The following COL2A1 variants were observed in gnomAD, a reference collection of about 807,000 sequenced individuals.
The protein encoded by COL2A1 is collagen type II alpha 1 chain.
Under a neutral mutation model 204.5 loss-of-function variants are expected in COL2A1, and 28 were observed. The observed-to-expected ratio is 0.14, with a 90% CI of 0.10 to 0.19. The LOEUF (loss-of-function observed/expected upper bound fraction) is 0.19. Among genes scored for constraint, COL2A1 ranks in the 10% least tolerant of loss-of-function variants. The pLI, the probability that COL2A1 is intolerant of heterozygous loss-of-function variation, is 1.00. For synonymous variants in COL2A1, 708 were observed against 718.7 expected (o/e 0.99, Z 0.24); for missense variants, 1,388 against 2,027.5 (o/e 0.68, Z 6.06).
rs1565677477 is a variant in COL2A1, at chr12:47,982,499, T to C, written c.2301+3A>G. The C allele has an allele frequency of 6.2e-7, 1 of 1,611,062 alleles. No individual in the cohort carries two copies. Among genetic ancestry groups the C allele is most frequent in the Admixed American group, 1.7e-5 (1 of 60,004 alleles). ...GGTGAGAGGCTGTAACCTCAGTACTTACCCTGTCGCCTTTGGGCCCAGCGA... is the reference window on the plus strand; with the variant it reads ...GGTGAGAGGCTGTAACCTCAGTACTCACCCTGTCGCCTTTGGGCCCAGCGA... On this transcript the variant is annotated splice_donor_region_variant and intron_variant, in intron 34 of 53. Transcript: ENST00000380518.
At chr12:47,992,968 G>A in intron 15 of COL2A1, 37 bp from the exon 16 acceptor site, 1 of 1,603,812 alleles carries the variant, frequency 6.2e-7, no homozygotes, top group Non-Finnish European at 8.5e-7. Context: ...GCATGAGTTG[G>A]CTTTACGGTG....
In COL2A1 at chr12:47,996,952, C is replaced by T. The variant is rs188054003; in HGVS notation, c.532-327G>A. ...ACGTATATGGAGAAACATAACCAAA[C>T]CTTCTAAGGGTGTTCTTTATTCTTT... On this transcript the variant is annotated intron_variant, in intron 7 of 53. Coordinates refer to ENST00000380518, the MANE Select transcript of COL2A1 (RefSeq NM_001844.5). 2.9e-3 allele frequency among the ~76,000 whole-genome samples: 436 copies of T among 152,254 alleles called. 2 individuals are homozygous for T. The highest frequency in any genetic ancestry group is 0.017 in the Middle Eastern group (5 of 294).
At chr12:47,995,962 C>T in intron 8 of COL2A1, 43 bp from the exon 9 acceptor site, 2 of 1,517,368 alleles carry the variant, frequency 1.3e-6, no homozygotes, top group Non-Finnish European at 1.8e-6. Flanking sequence ...CACATGCTTC[C>T]TCAGTGGCCT....
At chr12:47,982,429 C>T (rs1293156781) in intron 34 of COL2A1, 73 bp downstream of exon 34, 19 of 1,282,288 alleles carry the variant, frequency 1.5e-5, no homozygotes, top group South Asian at 6.0e-5. Flanking sequence ...CATAAGGGAA[C>T]GGAAGCGATC....
rs912874901 is a variant in COL2A1 at position 47,981,996 on chromosome 12, G to C, written c.2355+111C>G. ...TCCCTGCAGTTGCCCAGCCCCGACAGAGACAGGACCAGGGACCCCAGTGGC... is the reference window on the plus strand; with the variant it reads ...TCCCTGCAGTTGCCCAGCCCCGACACAGACAGGACCAGGGACCCCAGTGGC... On this transcript the variant is annotated intron_variant, in intron 35 of 53. Transcript: ENST00000380518. The C allele has an allele frequency of 1.1e-4, 144 of 1,323,910 alleles. No individual in the cohort carries two copies. In the Admixed American group the frequency reaches 2.4e-3, roughly 22 times the overall value. The allele number at this position is 1,323,910 out of a possible 1,614,324, so 82.0% of individuals were successfully genotyped here.
intron 11 of COL2A1, among the ~76,000 whole-genome samples, chr12:47,994,801 A>G (rs539536363): frequency 1.3e-5 from 2 of 152,338 alleles, no homozygotes; most frequent in South Asian, 2.1e-4. Context: ...GTCTAATGCA[A>G]TTCATAAAAA....
In COL2A1 at chr12:47,986,302, G is replaced by A. The variant is rs1417050660; in HGVS notation, c.1527+34C>T. 3.6e-6 allele frequency: 5 copies of A among 1,380,992 alleles called. No individual in the cohort carries two copies. The South Asian group carries it at 6.2e-5, about 17-fold the overall frequency. The allele number at this position is 1,380,992 out of a possible 1,614,324, so 85.5% of individuals were successfully genotyped here. On this transcript the variant is annotated intron_variant, in intron 23 of 53. Coordinates refer to ENST00000380518, the MANE Select transcript of COL2A1 (RefSeq NM_001844.5). ...CTCCACTTCCCTCTCGAGGTCACAG[G>A]CCCCATGGGATGGAGCCTCCACATT...
At chr12:47,982,070 C>T (rs778878438) in intron 35 of COL2A1, 37 bp downstream of exon 35, 1 of 1,604,832 alleles carries the variant, frequency 6.2e-7, no homozygotes, top group Non-Finnish European at 8.5e-7. Context: ...GGCTAGGATC[C>T]TAATGCCCAG....
rs1328745451 is a variant in COL2A1, at chr12:47,978,197, G to T, written c.3004-80C>A. On this transcript the variant is annotated intron_variant, in intron 43 of 53. Coordinates refer to ENST00000380518, the MANE Select transcript of COL2A1 (RefSeq NM_001844.5). The surrounding 1 kb of genome is among the most constrained non-coding windows in gnomAD (Gnocchi z 5.5). The stretch of plus-strand genomic sequence containing the variant: ...GGCCCACTGACCCTTCAGGGAGAGG[G>T]CAGACAAGGGACAGTCCTGAGGGTG... 6.3e-7 allele frequency: 1 copy of T among 1,576,796 alleles called. No individual in the cohort carries two copies. The highest frequency in any genetic ancestry group is 2.3e-5 in the East Asian group (1 of 43,750).
intron 11 of COL2A1, among the ~76,000 whole-genome samples, chr12:47,994,701 A>T (rs969448962): frequency 1.3e-5 from 2 of 152,194 alleles, no homozygotes; most frequent in Non-Finnish European, 2.9e-5. Flanking sequence ...TGTCCTCACC[A>T]GCCTCCAACT....
At position 48,000,097 on chromosome 12, in the gene COL2A1, C is replaced by T. The variant is rs760370735; in HGVS notation, c.114G>A (p.Gly38=). Residue 38 remains glycine, a synonymous_variant, in exon 2 of 54, where the codon GGG becomes GGA. Coordinates refer to ENST00000380518, the MANE Select transcript of COL2A1 (RefSeq NM_001844.5). ...VQEAGSCVQD[G]QRYNDKDVWK... is the part of the protein sequence containing the mutation. Reference sequence around the variant, plus strand: ...ACACATCCTTATCATTATACCTCTGCCCATCCTGCACACAGCTGCCAGCCT... The same window carrying T: ...ACACATCCTTATCATTATACCTCTGTCCATCCTGCACACAGCTGCCAGCCT... The T allele has an allele frequency of 2.1e-5, 34 of 1,613,334 alleles. No homozygotes were observed. The highest frequency in any genetic ancestry group is 2.7e-5 in the Non-Finnish European group (32 of 1,179,906).
chr12:47,981,327 AG>A lies in COL2A1; in HGVS notation c.2463+15del, dbSNP rs1236539574. On this transcript the variant is annotated intron_variant, in intron 37 of 53. Transcript: ENST00000380518. ...GGGCCTCGGGCAGAGCCAGGCTCAG[AG>A]GGGCAGACACTCACCGGAGCGCCAC... is the stretch of plus-strand genomic sequence containing the variant. 6.2e-7 allele frequency: 1 copy of A among 1,611,844 alleles called. No homozygotes were observed. Among genetic ancestry groups the A allele is most frequent in the Admixed American group, 1.7e-5 (1 of 59,890 alleles).
chr12:47,976,131 T>A lies in COL2A1; in HGVS notation c.3490-61A>T. 8.1e-7 allele frequency: 1 copy of A among 1,238,920 alleles called. No homozygotes were observed. The highest frequency in any genetic ancestry group is 1.2e-5 in the South Asian group (1 of 83,606). 76.7% of individuals were successfully genotyped at this position (1,238,920 alleles called of 1,614,324 possible). On this transcript the variant is annotated intron_variant, in intron 49 of 53. Transcript: ENST00000380518. This position sits in a 1 kb window ranked among gnomAD's most constrained non-coding sequence, Gnocchi z 4.3. Reference sequence around the variant, plus strand: ...ACCACAGGGAAGGCTGGGGAGTCGCTGGGGCTGGGTAGGTGGCTGTCCTGA... The same window carrying A: ...ACCACAGGGAAGGCTGGGGAGTCGCAGGGGCTGGGTAGGTGGCTGTCCTGA...
At chr12:47,979,396 G>A in intron 41 of COL2A1, 115 bp downstream of exon 41, 2 of 1,064,852 alleles carry the variant, frequency 1.9e-6, no homozygotes, top group Non-Finnish European at 2.9e-6. Flanking sequence ...CCTCCAGGGG[G>A]CAGGAACGGA....
chr12:47,980,581 C>T lies in COL2A1; in HGVS notation c.2598G>A (p.Gln866=). The T allele has an allele frequency of 6.2e-7, 1 of 1,611,964 alleles. No homozygotes were observed. Among genetic ancestry groups the T allele is most frequent in the South Asian group, 1.1e-5 (1 of 90,474 alleles). The change falls in exon 39 of 54, where the codon CAG becomes CAA. Residue 866 remains glutamine (Q), a synonymous_variant. Coordinates refer to ENST00000380518, the MANE Select transcript of COL2A1 (RefSeq NM_001844.5). This position sits in a 1 kb window ranked among gnomAD's most constrained non-coding sequence, Gnocchi z 4.5. ...GAGGCCCAGGTGCTCCAGAGGGGCC[C>T]TGAGGACCAGGGGCACCAGCATCGC... ...QKGDAGAPGP[Q]GPSGAPGPQG...
chr12:47,986,555 G>A (rs1220417589), intron 22 of COL2A1, 112 bp from the exon 23 acceptor site: 3 of 766,168 alleles, frequency 3.9e-6, no homozygotes, highest in Admixed American at 4.4e-5. Context: ...GGCTGGGGGG[G>A]GGCTTGAGGA....
chr12:47,992,324 C>T (rs1272131955), intron 16 of COL2A1, among the ~76,000 whole-genome samples: 3 of 152,012 alleles, frequency 2.0e-5, no homozygotes, highest in East Asian at 1.9e-4. Flanking sequence ...TTTTTTCATC[C>T]GTAAAATGGG....
chr12:48,002,006 AG>A (rs1465274785), intron 1 of COL2A1, among the ~76,000 whole-genome samples: 1 of 151,636 alleles, frequency 6.6e-6, no homozygotes, highest in East Asian at 2.0e-4. Context: ...GGGCGGGCAC[AG>A]GGGGGCATTG....
rs1939810407 is a variant in COL2A1, at chr12:47,993,639, T to C, written c.925-137A>G. ...TTCAGTCCTGTGAGGGACAATGCCC[T>C]GAGCTCTCCAGGCCTGCTGTTGGCC... is the stretch of plus-strand genomic sequence containing the variant. On this transcript the variant is annotated intron_variant, in intron 14 of 53. Transcript: ENST00000380518. The C allele has an allele frequency of 5.5e-6, 6 of 1,088,744 alleles. No individual in the cohort carries two copies. The East Asian group carries it at 1.2e-4, about 22-fold the overall frequency. The allele number at this position is 1,088,744 out of a possible 1,614,324, so 67.4% of individuals were successfully genotyped here. A position where few individuals can be genotyped will look rare whatever the true frequency, so the allele number is the denominator to read the frequency against.
Sources: gnomAD v4.1 joint callset for allele counts (sites outside exome capture counted in the v4.1 genomes callset) on GRCh38, gnomAD v4.1.1 for gene constraint, Gnocchi (gnomAD v3.1) non-coding constraint, MANE v1.5 for transcripts, NCBI Gene and HGNC (gene_info 2026-07-23, HGNC 2026-07-21) for gene names.